The following CADM2 variants were observed in gnomAD, a reference collection of about 807,000 sequenced individuals.
CADM2 encodes cell adhesion molecule 2, also known as immunoglobulin superfamily member 4D.
A neutral mutation model predicts 49.8 loss-of-function variants in CADM2; 12 were observed. The observed-to-expected ratio is 0.24, with a 90% CI of 0.15 to 0.39. The LOEUF is 0.39. Among genes scored for constraint, CADM2 ranks in the 10% least tolerant of loss-of-function variants. CADM2 has a pLI of 1.00. For synonymous variants in CADM2, 214 were observed against 175.4 expected, an observed-to-expected ratio of 1.22 and a Z score of -1.74; for missense variants, 378 against 492.3, an observed-to-expected ratio of 0.77 and a Z score of 2.20.
At chr3:85,597,699 G>T (rs2063283595) in intron 1 of CADM2, among the ~76,000 whole-genome samples, 1 of 151,996 alleles carries the variant, frequency 6.6e-6, no homozygotes. Flanking sequence ...TGTCAAAAGT[G>T]CATCTTAAAA....
At chr3:85,575,820 CA>C (rs1359162227) in intron 1 of CADM2, among the ~76,000 whole-genome samples, 3 of 151,968 alleles carry the variant, frequency 2.0e-5, no homozygotes, top group Non-Finnish European at 4.4e-5. Flanking sequence ...AAAGAGCATG[CA>C]AAAATATGTA....
chr3:85,133,975 A>G (rs1428384800), intron 1 of CADM2, among the ~76,000 whole-genome samples: 2 of 148,920 alleles, frequency 1.3e-5, no homozygotes, highest in Non-Finnish European at 3.0e-5. Flanking sequence ...AGGCTCAGGC[A>G]TGGCGGGCTG....
At chr3:85,194,669 A>C (rs2107732183) in intron 1 of CADM2, among the ~76,000 whole-genome samples, 1 of 152,168 alleles carries the variant, frequency 6.6e-6, no homozygotes, top group African/African-American at 2.4e-5. Context: ...TGTGGCAGAA[A>C]GAAATCTATT....
At chr3:85,443,651 T>G (rs888204252) in intron 1 of CADM2, among the ~76,000 whole-genome samples, 1 of 152,142 alleles carries the variant, frequency 6.6e-6, no homozygotes, top group Non-Finnish European at 1.5e-5. Flanking sequence ...ACACAACTGA[T>G]TAACAACCTA....
At chr3:85,429,970 A>C (rs2036588851) in intron 1 of CADM2, among the ~76,000 whole-genome samples, 1 of 152,194 alleles carries the variant, frequency 6.6e-6, no homozygotes, top group Non-Finnish European at 1.5e-5. Context: ...AATGGTGATC[A>C]AAGTGAACAA....
chr3:85,856,375 T>C (rs2075318617), intron 3 of CADM2, among the ~76,000 whole-genome samples: 1 of 152,224 alleles, frequency 6.6e-6, no homozygotes, highest in African/African-American at 2.4e-5. Context: ...TCTGTACTTT[T>C]TCATAACGGA....
At chr3:85,969,108 C>A (rs1018121957) in intron 8 of CADM2, among the ~76,000 whole-genome samples, 1 of 151,450 alleles carries the variant, frequency 6.6e-6, no homozygotes, top group African/African-American at 2.4e-5. Context: ...ACTCCCACAC[C>A]TTCAATCTCT....
intron 1 of CADM2, among the ~76,000 whole-genome samples, chr3:85,427,011 A>C (rs1456420064): frequency 1.3e-5 from 2 of 151,784 alleles, no homozygotes; most frequent in Admixed American, 6.6e-5. Flanking sequence ...TTATCAAATT[A>C]TTTCTAAGAG....
intron 8 of CADM2, among the ~76,000 whole-genome samples, chr3:86,026,226 A>G (rs1415231645): frequency 2.0e-5 from 3 of 152,264 alleles, no homozygotes; most frequent in South Asian, 4.1e-4. Flanking sequence ...ATTTTGTTAC[A>G]TTTAACTGTG....
At chr3:84,980,187 C>A (rs2107132011) in intron 1 of CADM2, among the ~76,000 whole-genome samples, 1 of 152,268 alleles carries the variant, frequency 6.6e-6, no homozygotes, top group African/African-American at 2.4e-5. Context: ...ACCGACAGCC[C>A]CAGATGCCTG....
intron 1 of CADM2, among the ~76,000 whole-genome samples, chr3:85,565,244 A>G (rs1288943960): frequency 6.6e-6 from 1 of 152,096 alleles, no homozygotes; most frequent in Non-Finnish European, 1.5e-5. Flanking sequence ...AATACTTTGA[A>G]ATATAATTTG....
chr3:85,871,504 C>T (rs528747998), intron 3 of CADM2, among the ~76,000 whole-genome samples: 3 of 152,176 alleles, frequency 2.0e-5, no homozygotes, highest in African/African-American at 7.2e-5. Flanking sequence ...CATCTGTGCT[C>T]AGATATATAT....
At chr3:85,002,041 T>A (rs1375386875) in intron 1 of CADM2, among the ~76,000 whole-genome samples, 1 of 152,146 alleles carries the variant, frequency 6.6e-6, no homozygotes, top group African/African-American at 2.4e-5. Context: ...TATTTAAAAA[T>A]TTTTATTCTA....
chr3:85,057,179 T>A (rs968212589), intron 1 of CADM2, among the ~76,000 whole-genome samples: 2 of 152,132 alleles, frequency 1.3e-5, no homozygotes, highest in African/African-American at 4.8e-5. Flanking sequence ...ACAAACATGC[T>A]CACCCATCAA....
chr3:85,202,740 C>T (rs1231952497), intron 1 of CADM2, among the ~76,000 whole-genome samples: 2 of 152,168 alleles, frequency 1.3e-5, no homozygotes, highest in Non-Finnish European at 2.9e-5. Flanking sequence ...GACATTGACA[C>T]CTCCTTTCTA....
chr3:85,769,540 C>CATATATACATATATACATATATA (rs2069930924), intron 2 of CADM2, among the ~76,000 whole-genome samples: 7 of 101,824 alleles, frequency 6.9e-5, no homozygotes, highest in Non-Finnish European at 7.1e-5. Flanking sequence ...TATATATACA[C>CATATATACATATATACATATATA]GTATATACAT....
intron 1 of CADM2, among the ~76,000 whole-genome samples, chr3:85,460,634 A>C (rs1161093432): frequency 1.3e-5 from 2 of 152,130 alleles, no homozygotes; most frequent in Admixed American, 6.5e-5. Context: ...CAATGCAAAA[A>C]GTATCTTGTT....
At chr3:85,807,322 A>G (rs1577356500) in intron 3 of CADM2, among the ~76,000 whole-genome samples, 1 of 152,148 alleles carries the variant, frequency 6.6e-6, no homozygotes, top group African/African-American at 2.4e-5. Context: ...AACGTGACGA[A>G]AAACCATCTC....
intron 1 of CADM2, among the ~76,000 whole-genome samples, chr3:85,211,700 A>T (rs2107769288): frequency 6.6e-6 from 1 of 152,274 alleles, no homozygotes; most frequent in South Asian, 2.1e-4. Flanking sequence ...AGCTTAGCAT[A>T]TGGTCTATTT....
Sources: gnomAD v4.1 joint callset for allele counts (sites outside exome capture counted in the v4.1 genomes callset) on GRCh38, gnomAD v4.1.1 for gene constraint, MANE v1.5 for transcripts, NCBI Gene and HGNC (gene_info 2026-07-23, HGNC 2026-07-21) for gene names.